Variants in AIG1 observed in about 807,000 individuals in gnomAD.
AIG1 encodes the protein androgen-induced gene 1 protein.
AIG1 carries 23 observed loss-of-function variants against 31.4 expected under a neutral mutation model. The observed-to-expected ratio is 0.73, with a 90% CI of 0.53 to 1.04. AIG1 has a LOEUF of 1.04. Ranked by LOEUF, AIG1 falls within the 50% of genes least tolerant of loss-of-function variation. AIG1 has a pLI of 0.00. For missense variants in AIG1, 274 were observed against 295.0 expected (o/e 0.93, Z 0.52); for synonymous variants, 100 against 110.5 (o/e 0.90, Z 0.60).
chr6:143,119,928 C>A (rs866523331), intron 1 of AIG1, among the ~76,000 whole-genome samples: 23 of 151,958 alleles, frequency 1.5e-4, no homozygotes, highest in African/African-American at 5.3e-4. Flanking sequence ...TTAATATGTC[C>A]TTTTTTATTT....
intron 1 of AIG1, among the ~76,000 whole-genome samples, chr6:143,094,852 C>T (rs1779611660): frequency 6.6e-6 from 1 of 151,624 alleles, no homozygotes; most frequent in Non-Finnish European, 1.5e-5. Flanking sequence ...AAATTATTTA[C>T]AATAGGAAAC....
intron 1 of AIG1, among the ~76,000 whole-genome samples, chr6:143,102,866 A>G (rs971060272): frequency 3.3e-5 from 5 of 152,164 alleles, no homozygotes; most frequent in African/African-American, 1.2e-4. Context: ...GGCAAACTAA[A>G]AGAAGCAAAT....
intron 1 of AIG1, among the ~76,000 whole-genome samples, chr6:143,111,465 G>C (rs1781271799): frequency 6.6e-6 from 1 of 152,098 alleles, no homozygotes; most frequent in African/African-American, 2.4e-5. Flanking sequence ...TTCTCAGGCT[G>C]TCTTCATTCC....
At chr6:143,065,108 A>C (rs777105749) in intron 1 of AIG1, among the ~76,000 whole-genome samples, 6 of 152,214 alleles carry the variant, frequency 3.9e-5, no homozygotes, top group Non-Finnish European at 8.8e-5. Context: ...GACAAGTCAC[A>C]ACGGTGGAAT....
intron 3 of AIG1, among the ~76,000 whole-genome samples, chr6:143,260,297 G>C (rs1795668722): frequency 6.6e-6 from 1 of 152,204 alleles, no homozygotes; most frequent in African/African-American, 2.4e-5. Flanking sequence ...TGGGATTACA[G>C]GCATGAGCCA....
chr6:143,132,685 C>T (rs9403448), intron 1 of AIG1, among the ~76,000 whole-genome samples: 2 of 151,798 alleles, frequency 1.3e-5, no homozygotes, highest in East Asian at 1.9e-4. Context: ...GTCTCCAATA[C>T]ACATATATTA....
intron 1 of AIG1, among the ~76,000 whole-genome samples, chr6:143,073,297 A>G (rs72988570): frequency 1.2e-3 from 181 of 152,266 alleles, no homozygotes; most frequent in Non-Finnish European, 2.1e-3. Flanking sequence ...TTGTTTCCAT[A>G]TCTTGGCTAT....
chr6:143,069,140 G>A (rs755266522), intron 1 of AIG1, among the ~76,000 whole-genome samples: 10 of 151,548 alleles, frequency 6.6e-5, no homozygotes, highest in Non-Finnish European at 1.0e-4. Context: ...TCAGCCTCCC[G>A]AGTAGCTGGG....
chr6:143,228,187 G>T (rs1039647514), intron 3 of AIG1, among the ~76,000 whole-genome samples: 4 of 152,108 alleles, frequency 2.6e-5, no homozygotes, highest in Non-Finnish European at 5.9e-5. Context: ...AAAAATCTCT[G>T]CCCTGCCCTC....
At chr6:143,250,087 A>G (rs559238035) in intron 3 of AIG1, among the ~76,000 whole-genome samples, 1 of 152,220 alleles carries the variant, frequency 6.6e-6, no homozygotes, top group Non-Finnish European at 1.5e-5. Context: ...AGCAAGGCAG[A>G]CCACTTTGGC....
intron 3 of AIG1, among the ~76,000 whole-genome samples, chr6:143,275,294 G>T (rs1231283225): frequency 6.6e-6 from 1 of 152,032 alleles, no homozygotes; most frequent in African/African-American, 2.4e-5. Flanking sequence ...CAGGAGAGGG[G>T]AGCGACTTGA....
intron 4 of AIG1, among the ~76,000 whole-genome samples, chr6:143,285,381 G>A (rs1226268513): frequency 1.3e-5 from 2 of 150,704 alleles, no homozygotes; most frequent in African/African-American, 4.9e-5. Context: ...CTCCTCCCCA[G>A]CTGGGTGCTG....
intron 3 of AIG1, among the ~76,000 whole-genome samples, chr6:143,233,142 A>G (rs2128632944): frequency 1.3e-5 from 2 of 151,988 alleles, no homozygotes; most frequent in East Asian, 3.9e-4. Context: ...GCACCACCCA[A>G]CCCTCTTGTC....
intron 4 of AIG1, among the ~76,000 whole-genome samples, chr6:143,285,400 G>A (rs1018664147): frequency 4.0e-5 from 6 of 150,782 alleles, no homozygotes; most frequent in Admixed American, 6.6e-5. Flanking sequence ...TGTGGCTCAC[G>A]CTTGTAATCC....
chr6:143,287,737 TAAA>T (rs59551903), intron 4 of AIG1, among the ~76,000 whole-genome samples: 12,792 of 78,028 alleles, frequency 0.16, 1,027 homozygotes, highest in East Asian at 0.44. Flanking sequence ...CTGACTACAG[TAAA>T]AAAAAAAAAA....
At chr6:143,199,660 A>G (rs1457071372) in intron 3 of AIG1, among the ~76,000 whole-genome samples, 1 of 152,204 alleles carries the variant, frequency 6.6e-6, no homozygotes. Context: ...TAAATAATTC[A>G]TTAACAATTT....
intron 1 of AIG1, among the ~76,000 whole-genome samples, chr6:143,085,977 C>CT (rs1778743214): frequency 6.6e-6 from 1 of 152,226 alleles, no homozygotes; most frequent in African/African-American, 2.4e-5. Context: ...TAGCCCCATA[C>CT]TTTAAGATTT....
At chr6:143,162,482 A>C (rs2328456) in intron 2 of AIG1, among the ~76,000 whole-genome samples, 71,723 of 152,114 alleles carry the variant, frequency 0.47, 17,444 homozygotes, top group Admixed American at 0.62. Flanking sequence ...GCCTATGATA[A>C]GCAGAATTCC....
At chr6:143,296,751 C>T (rs1296593200) in intron 4 of AIG1, among the ~76,000 whole-genome samples, 2 of 152,192 alleles carry the variant, frequency 1.3e-5, no homozygotes. Context: ...GCAAGAGAAA[C>T]TTGATCTAAA....
Sources: allele counts gnomAD v4.1 joint callset (sites outside exome capture counted in the v4.1 genomes callset), GRCh38; gene constraint gnomAD v4.1.1; transcripts MANE v1.5; gene names NCBI Gene and HGNC (gene_info 2026-07-23, HGNC 2026-07-21).